Variants in GLT1D1 observed in about 807,000 individuals in gnomAD.
GLT1D1 encodes glycosyltransferase 1 domain-containing protein 1.
GLT1D1 carries 21 observed loss-of-function variants against 28.7 expected under a neutral mutation model. That is an observed-to-expected ratio of 0.73 (90% confidence interval 0.52 to 1.05). The LOEUF (loss-of-function observed/expected upper bound fraction) is 1.05, where lower values mean the gene tolerates loss of function less well. Ranked by LOEUF, GLT1D1 falls within the 50% of genes least tolerant of loss-of-function variation. GLT1D1 has a pLI of 0.00. For synonymous variants in GLT1D1, 147 were observed against 124.8 expected, an observed-to-expected ratio of 1.18 and a Z score of -1.19; for missense variants, 343 against 330.6, an observed-to-expected ratio of 1.04 and a Z score of -0.29.
intron 1 of GLT1D1, among the ~76,000 whole-genome samples, chr12:128,874,738 AC>A (rs1258653916): frequency 4.0e-5 from 6 of 149,842 alleles, no homozygotes; most frequent in African/African-American, 1.5e-4. Flanking sequence ...TCTGCCTCGA[AC>A]TCTCAAAGTG....
At chr12:128,946,654 T>C (rs1876133991) in intron 5 of GLT1D1, among the ~76,000 whole-genome samples, 1 of 133,170 alleles carries the variant, frequency 7.5e-6, no homozygotes, top group Non-Finnish European at 1.6e-5. Context: ...TTTTTTTTTT[T>C]TTTTTTTTTT....
chr12:128,862,244 G>C lies in GLT1D1; in HGVS notation c.68+8595G>C, dbSNP rs1412423319. On this transcript the variant is annotated intron_variant, in intron 1 of 7. Coordinates refer to ENST00000281703, the MANE Select transcript of GLT1D1 (RefSeq NM_144669.3). ...CTCAGGAGGCTGACACAGGAGAACT[G>C]CTTGAGCCTGGGAGGTGGAGGCTGC... Among the ~76,000 whole-genome samples, 4 of 150,686 alleles carry C rather than the reference G, an allele frequency of 2.7e-5. 1 individual carries two copies. In the South Asian group the frequency reaches 8.4e-4, roughly 32 times the overall value.
chr12:128,888,528 A>C (rs7300146), intron 2 of GLT1D1, 111 bp from the exon 3 acceptor site: 174,667 of 686,862 alleles, frequency 0.25, 23,441 homozygotes, highest in Admixed American at 0.32. Context: ...TACAGCAACA[A>C]ACAGCTCCGG....
In GLT1D1 at chr12:128,956,171, A is replaced by AAAAAAAAAAAAAAAAAAAAAAGAG. The variant is rs374597920; in HGVS notation, c.541-1373_541-1372insAAAAAAAAAAAAAAAAAAAAGAGA. Among the ~76,000 whole-genome samples, 57 of 63,950 alleles carry AAAAAAAAAAAAAAAAAAAAAAGAG rather than the reference A, an allele frequency of 8.9e-4. 16 individuals carry two copies. The highest frequency in any genetic ancestry group is 1.4e-3 in the Non-Finnish European group (41 of 28,304). The allele number at this position is 63,950 out of a possible 152,430, so 42.0% of individuals were successfully genotyped here. ...GAGACTCCATCTCAAAAAAAAAAAA[A>AAAAAAAAAAAAAAAAAAAAAAGAG]AGAGAAAGAGAGAAAGAAAGAAAGA... On this transcript the variant is annotated intron_variant, in intron 6 of 7. Coordinates refer to ENST00000281703, the MANE Select transcript of GLT1D1 (RefSeq NM_144669.3).
chr12:128,971,030 C>T (rs758340331), intron 7 of GLT1D1, among the ~76,000 whole-genome samples: 9 of 152,188 alleles, frequency 5.9e-5, no homozygotes, highest in Non-Finnish European at 1.2e-4. Flanking sequence ...CGATGCAGCA[C>T]GCCACACACT....
chr12:128,858,818 G>A (rs993041659), intron 1 of GLT1D1, among the ~76,000 whole-genome samples: 4 of 152,098 alleles, frequency 2.6e-5, no homozygotes, highest in Non-Finnish European at 5.9e-5. Context: ...GGCAGCCACC[G>A]TAAGACTTCA....
intron 1 of GLT1D1, among the ~76,000 whole-genome samples, chr12:128,862,433 A>G (rs1324063459): frequency 1.3e-5 from 2 of 151,146 alleles, no homozygotes; most frequent in African/African-American, 4.9e-5. Context: ...AGGCAGGCAG[A>G]TTGCTTGAGT....
At chr12:128,912,562 A>G in intron 4 of GLT1D1, 102 bp downstream of exon 5, 1 of 436,420 alleles carries the variant, frequency 2.3e-6, no homozygotes, top group Non-Finnish European at 3.8e-6. Context: ...TATATATTTA[A>G]AAGAATAAGT....
intron 3 of GLT1D1, among the ~76,000 whole-genome samples, chr12:128,897,185 C>T (rs1869742373): frequency 6.6e-6 from 1 of 152,008 alleles, no homozygotes; most frequent in Non-Finnish European, 1.5e-5. Flanking sequence ...TTTATGGTCC[C>T]TTATATTTGC....
At chr12:128,979,849 T>C (rs1228980423) in intron 7 of GLT1D1, among the ~76,000 whole-genome samples, 1 of 147,320 alleles carries the variant, frequency 6.8e-6, no homozygotes, top group African/African-American at 2.7e-5. Context: ...ACACTTACAC[T>C]AACCTATAGT....
intron 6 of GLT1D1, among the ~76,000 whole-genome samples, chr12:128,950,949 A>G (rs1876630583): frequency 6.6e-6 from 1 of 152,238 alleles, no homozygotes; most frequent in African/African-American, 2.4e-5. Flanking sequence ...TAAGTTCAAA[A>G]GATCTGTATT....
In GLT1D1 at chr12:128,884,267, G is replaced by A. The variant is rs117322550; in HGVS notation, c.218-4372G>A. Among the ~76,000 whole-genome samples the A allele has an allele frequency of 3.7e-3, 570 of 152,282 alleles. 4 individuals are homozygous for A. The highest frequency in any genetic ancestry group is 6.9e-3 in the Non-Finnish European group (466 of 68,014). ...TGTAACAACATGGATGAGCCTGGAG[G>A]ACATAATGCGAAATACAATAAGCCA... is the stretch of plus-strand genomic sequence containing the variant. On this transcript the variant is annotated intron_variant, in intron 2 of 7. Coordinates refer to ENST00000281703, the MANE Select transcript of GLT1D1 (RefSeq NM_144669.3).
intron 1 of GLT1D1, among the ~76,000 whole-genome samples, chr12:128,865,228 C>T (rs955049148): frequency 6.6e-6 from 1 of 152,206 alleles, no homozygotes; most frequent in Non-Finnish European, 1.5e-5. Context: ...GCACATCCCA[C>T]GTCAGGCCCA....
intron 4 of GLT1D1, among the ~76,000 whole-genome samples, chr12:128,913,414 T>C (rs1871753150): frequency 1.3e-5 from 2 of 151,922 alleles, no homozygotes; most frequent in South Asian, 4.2e-4. Context: ...AGAGACAGGG[T>C]TTTACTGTGT....
At chr12:128,931,913 G>GCACACA (rs139121648) in intron 4 of GLT1D1, among the ~76,000 whole-genome samples, 2 of 127,110 alleles carry the variant, frequency 1.6e-5, no homozygotes, top group Non-Finnish European at 3.7e-5. Context: ...GCACACACAC[G>GCACACA]CACGCACACA....
At chr12:128,939,843 C>CCG (rs796920689) in intron 4 of GLT1D1, among the ~76,000 whole-genome samples, 4 of 145,516 alleles carry the variant, frequency 2.7e-5, no homozygotes, top group South Asian at 4.5e-4. Flanking sequence ...AGAAACCCCC[C>CCG]CCCACCGCCG....
chr12:128,930,998 C>CT (rs1237645570), intron 4 of GLT1D1, among the ~76,000 whole-genome samples: 3,686 of 145,482 alleles, frequency 0.025, 102 homozygotes, highest in African/African-American at 0.069. Flanking sequence ...TTCTACCACC[C>CT]TTTTTTTTTT....
intron 2 of GLT1D1, among the ~76,000 whole-genome samples, chr12:128,882,004 A>G (rs1017666335): frequency 2.0e-5 from 3 of 152,002 alleles, no homozygotes; most frequent in African/African-American, 7.3e-5. Context: ...TCCAGAAATA[A>G]CCTTGCAGGA....
At chr12:128,931,168 A>AT (rs1338582402) in intron 4 of GLT1D1, among the ~76,000 whole-genome samples, 5 of 151,504 alleles carry the variant, frequency 3.3e-5, no homozygotes, top group African/African-American at 9.7e-5. Context: ...CGCCTGGCTA[A>AT]TTTTTTGTAT....
Sources: allele counts gnomAD v4.1 joint callset (sites outside exome capture counted in the v4.1 genomes callset), GRCh38; gene constraint gnomAD v4.1.1; transcripts MANE v1.5; gene names NCBI Gene and HGNC (gene_info 2026-07-23, HGNC 2026-07-21).